The following ANXA8 variants were observed in gnomAD, a reference collection of about 807,000 sequenced individuals.
ANXA8 encodes annexin A8.
A neutral mutation model predicts 26.8 loss-of-function variants in ANXA8; 9 were observed. The observed-to-expected ratio is 0.34, with a 90% CI of 0.20 to 0.59. ANXA8 has a LOEUF of 0.59. Among genes scored for constraint, ANXA8 ranks in the 20% least tolerant of loss-of-function variants. The pLI is 0.84. For synonymous variants in ANXA8, 39 were observed against 94.8 expected (o/e 0.41, Z 3.42); for missense variants, 83 against 238.5 (o/e 0.35, Z 4.29).
At chr10:47,562,890 T>A in the ANXA8 span, among the ~76,000 whole-genome samples, 1 of 150,526 alleles carries the variant, frequency 6.6e-6, no homozygotes, top group South Asian at 2.1e-4. Context: ...ACATACGGTA[T>A]TTTGAACCTG....
chr10:47,560,010 A>G, the ANXA8 span, among the ~76,000 whole-genome samples: 2 of 150,810 alleles, frequency 1.3e-5, no homozygotes, highest in Non-Finnish European at 3.0e-5. Context: ...TAACTTTACA[A>G]ACAAGAATTC....
chr10:47,949,542 G>A, the ANXA8 span, among the ~76,000 whole-genome samples: 5 of 150,576 alleles, frequency 3.3e-5, no homozygotes, highest in African/African-American at 1.2e-4. Context: ...AAAGATAATT[G>A]ATTGTTTAAA....
upstream of ANXA8, chr10:47,487,140 A>T: frequency 7.3e-7 from 1 of 1,366,980 alleles, no homozygotes; most frequent in Non-Finnish European, 9.8e-7. Context: ...CACCATAAAT[A>T]TGTAAAATAT....
At chr10:47,695,530 A>G in the ANXA8 span, among the ~76,000 whole-genome samples, 57 of 151,912 alleles carry the variant, frequency 3.8e-4, no homozygotes, top group East Asian at 7.9e-3. Context: ...TGGGGAGCCA[A>G]TGGAATATCC....
At chr10:47,589,402 A>G in the ANXA8 span, 3 of 146,280 alleles carry the variant, frequency 2.1e-5, no homozygotes, top group East Asian at 1.9e-4. Flanking sequence ...CAGACACAGT[A>G]TGCAGAGGCC....
chr10:47,603,324 A>G, the ANXA8 span, among the ~76,000 whole-genome samples: 6 of 149,758 alleles, frequency 4.0e-5, no homozygotes, highest in South Asian at 8.3e-4. Flanking sequence ...TGAGTTCATA[A>G]TGTTTATCAG....
the ANXA8 span, among the ~76,000 whole-genome samples, chr10:47,698,693 T>C: frequency 6.6e-6 from 1 of 152,182 alleles, no homozygotes; most frequent in Non-Finnish European, 1.5e-5. Context: ...TATGGAAAAA[T>C]TAGCCAGGTG....
At chr10:47,559,290 C>A in the ANXA8 span, among the ~76,000 whole-genome samples, 2 of 151,184 alleles carry the variant, frequency 1.3e-5, no homozygotes, top group African/African-American at 4.9e-5. Context: ...CCACACCCAG[C>A]TAATTTTTGT....
At chr10:47,574,327 C>T in the ANXA8 span, among the ~76,000 whole-genome samples, 1 of 135,466 alleles carries the variant, frequency 7.4e-6, no homozygotes, top group Non-Finnish European at 1.6e-5. Context: ...TTTGGTCAGG[C>T]TGGTCTCGAA....
chr10:47,469,158 G>T (rs1324844785), intron 11 of ANXA8, among the ~76,000 whole-genome samples: 8 of 147,974 alleles, frequency 5.4e-5, no homozygotes, highest in African/African-American at 2.0e-4. Flanking sequence ...ATCAGAGACA[G>T]TTCCACTCCT....
At chr10:47,691,015 T>C in the ANXA8 span, 1 of 1,611,122 alleles carries the variant, frequency 6.2e-7, no homozygotes, top group Non-Finnish European at 8.5e-7. Context: ...ACTGTGATTC[T>C]AAAAGCCAGA....
the ANXA8 span, among the ~76,000 whole-genome samples, chr10:47,681,969 C>G: frequency 7.0e-6 from 1 of 141,920 alleles, no homozygotes; most frequent in Non-Finnish European, 1.5e-5. Flanking sequence ...GAGACATTTT[C>G]TAGTAATGCT....
At chr10:47,972,199 AG>A in the ANXA8 span, among the ~76,000 whole-genome samples, 1 of 149,642 alleles carries the variant, frequency 6.7e-6, no homozygotes, top group Admixed American at 6.7e-5. Context: ...GATGAGGCAG[AG>A]GAAGTGAGGC....
At chr10:47,476,585 C>T (rs1839548497) in intron 4 of ANXA8, among the ~76,000 whole-genome samples, 1 of 91,280 alleles carries the variant, frequency 1.1e-5, no homozygotes, top group Non-Finnish European at 2.2e-5. Context: ...GCCTAAGCAT[C>T]CCGATCCATA....
the ANXA8 span, chr10:47,973,050 C>T: frequency 6.7e-6 from 1 of 148,542 alleles, no homozygotes; most frequent in Non-Finnish European, 1.5e-5. Flanking sequence ...TGCGTACTCA[C>T]TTCCATTGTA....
the ANXA8 span, among the ~76,000 whole-genome samples, chr10:47,763,924 G>A: frequency 3.9e-5 from 6 of 152,004 alleles, no homozygotes; most frequent in African/African-American, 1.5e-4. Flanking sequence ...CCTGTCCTAG[G>A]GGCCAGTCAG....
chr10:47,519,070 C>T, the ANXA8 span, among the ~76,000 whole-genome samples: 42 of 135,566 alleles, frequency 3.1e-4, no homozygotes, highest in South Asian at 4.6e-4. Context: ...ATGTTGGAGA[C>T]AGGGCCTAGT....
the ANXA8 span, chr10:47,763,720 C>G: frequency 1.3e-5 from 2 of 148,278 alleles, no homozygotes; most frequent in East Asian, 2.1e-4. Flanking sequence ...GTTCCCCCGC[C>G]GAGGCCTCGA....
the ANXA8 span, among the ~76,000 whole-genome samples, chr10:47,624,499 AT>A: frequency 1.9e-5 from 2 of 105,022 alleles, no homozygotes; most frequent in African/African-American, 6.6e-5. Context: ...ATTTAACAAT[AT>A]TCTCTTATAT....
Sources: gnomAD v4.1 joint callset for allele counts (sites outside exome capture counted in the v4.1 genomes callset) on GRCh38, gnomAD v4.1.1 for gene constraint, MANE v1.5 for transcripts, NCBI Gene and HGNC (gene_info 2026-07-23, HGNC 2026-07-21) for gene names.